Variants in LRP5 observed in about 807,000 individuals in gnomAD.
LRP5 encodes low-density lipoprotein receptor-related protein 5.
A neutral mutation model predicts 154.1 loss-of-function variants in LRP5; 62 were observed. The ratio of observed to expected loss-of-function variants is 0.40; its 90% CI spans 0.33 to 0.50. The LOEUF (loss-of-function observed/expected upper bound fraction) is 0.50, where lower values mean the gene tolerates loss of function less well. Among genes scored for constraint, LRP5 ranks in the 20% least tolerant of loss-of-function variants. The probability of loss-of-function intolerance (pLI) is 0.55; values close to 1 mark genes in which losing one functional copy is unlikely to be tolerated. For synonymous variants in LRP5, 966 were observed against 1,011.5 expected, an observed-to-expected ratio of 0.96 and a Z score of 0.85; for missense variants, 1,915 against 2,336.7, an observed-to-expected ratio of 0.82 and a Z score of 3.72.
At chr11:68,334,169 C>T (rs2098604398) in intron 1 of LRP5, among the ~76,000 whole-genome samples, 1 of 152,130 alleles carries the variant, frequency 6.6e-6, no homozygotes, top group Admixed American at 6.5e-5. Context: ...AGGAGGCGGA[C>T]GTTGCAGTGA....
chr11:68,409,356 A>T (rs1483400794), intron 9 of LRP5, among the ~76,000 whole-genome samples: 1 of 146,228 alleles, frequency 6.8e-6, no homozygotes, highest in Non-Finnish European at 1.5e-5. Context: ...AATGTATGAT[A>T]TATAATATAC....
At chr11:68,387,307 G>A (rs1328215854) in intron 6 of LRP5, among the ~76,000 whole-genome samples, 3 of 152,038 alleles carry the variant, frequency 2.0e-5, no homozygotes, top group Non-Finnish European at 4.4e-5. Context: ...TAGAGATGGG[G>A]TTTCACCGTC....
chr11:68,339,261 C>T (rs1301387234), intron 1 of LRP5, among the ~76,000 whole-genome samples: 3 of 151,888 alleles, frequency 2.0e-5, no homozygotes, highest in African/African-American at 2.4e-5. Context: ...CCGCAACCTC[C>T]ACCTCCCGGG....
chr11:68,359,613 C>T (rs571845771), intron 3 of LRP5, among the ~76,000 whole-genome samples: 10 of 152,130 alleles, frequency 6.6e-5, no homozygotes, highest in Admixed American at 3.9e-4. Context: ...TTTCCAGGGA[C>T]GTTTATCAGT....
At chr11:68,360,710 C>T (rs2098627102) in intron 3 of LRP5, among the ~76,000 whole-genome samples, 3 of 152,178 alleles carry the variant, frequency 2.0e-5, no homozygotes, top group Admixed American at 1.3e-4. Context: ...GAAAAATGGC[C>T]ACATGGGCTG....
Position 68,348,079 on chromosome 11 carries a change from C to A in LRP5, c.324C>A (p.Val108=). The A allele has an allele frequency of 1.2e-6, 2 of 1,614,136 alleles. No individual in the cohort carries two copies. Among genetic ancestry groups the A allele is most frequent in the Non-Finnish European group, 8.5e-7 (1 of 1,180,040 alleles). ...AGAACGTGGTCATCTCCGGCCTGGT[C>A]TCTCCCGACGGCCTCGCCTGCGACT... The part of the protein sequence containing the change: ...AVQNVVISGL[V]SPDGLACDWV... The change falls in exon 2 of 23, where the codon GTC becomes GTA. Residue 108 remains valine (V), a synonymous_variant. Transcript: ENST00000294304.
At chr11:68,364,351 C>CAT (rs200855734) in intron 4 of LRP5, among the ~76,000 whole-genome samples, 43 of 129,610 alleles carry the variant, frequency 3.3e-4, no homozygotes, top group Non-Finnish European at 5.4e-4. Context: ...TTTATATATA[C>CAT]ATATATATGT....
At chr11:68,443,556 TA>T (rs2098679448) in intron 21 of LRP5, among the ~76,000 whole-genome samples, 1 of 32,508 alleles carries the variant, frequency 3.1e-5, no homozygotes, top group African/African-American at 1.5e-4. Context: ...TATATATATA[TA>T]TATATATATA....
chr11:68,379,833 T>A (rs113772848), intron 5 of LRP5, among the ~76,000 whole-genome samples: 1 of 151,032 alleles, frequency 6.6e-6, no homozygotes, highest in Non-Finnish European at 1.5e-5. Flanking sequence ...CTTTCTGATA[T>A]TATAAAAGTC....
At chr11:68,392,744 G>A (rs570363413) in intron 7 of LRP5, among the ~76,000 whole-genome samples, 186 of 152,190 alleles carry the variant, frequency 1.2e-3, no homozygotes, top group Middle Eastern at 0.01. Flanking sequence ...TGTGTGACTG[G>A]AATCCTGCAA....
At chr11:68,401,737 G>A (rs1199602991) in intron 7 of LRP5, among the ~76,000 whole-genome samples, 4 of 152,134 alleles carry the variant, frequency 2.6e-5, no homozygotes, top group Non-Finnish European at 5.9e-5. Flanking sequence ...CACCCAGGCT[G>A]GAGTGCAATG....
chr11:68,340,383 T>A (rs1351420193), intron 1 of LRP5, among the ~76,000 whole-genome samples: 1 of 152,034 alleles, frequency 6.6e-6, no homozygotes, highest in African/African-American at 2.4e-5. Context: ...GGCAACTGAG[T>A]CTGAGTGGAT....
the LRP5 span, among the ~76,000 whole-genome samples, chr11:68,303,164 C>T: frequency 6.6e-6 from 1 of 152,152 alleles, no homozygotes; most frequent in Non-Finnish European, 1.5e-5. Flanking sequence ...CAGGATCTTG[C>T]TCTGTTGCCC....
Position 68,439,761 on chromosome 11 carries a change from G to A in LRP5, c.4349-16G>A, listed in dbSNP as rs758196384. The A allele has an allele frequency of 5.3e-5, 85 of 1,607,372 alleles. No individual in the cohort carries two copies. The highest frequency in any genetic ancestry group is 6.4e-5 in the Non-Finnish European group (75 of 1,177,898). ...GCCTGGAAGCCACCTGACCTCCCCC[G>A]TCCCTTCCCTGCCAGGCATCGCATG... On this transcript the variant is annotated splice_polypyrimidine_tract_variant and intron_variant, in intron 20 of 22. Coordinates refer to ENST00000294304, the MANE Select transcript of LRP5 (RefSeq NM_002335.4).
In LRP5 at chr11:68,416,655, G is replaced by C. The variant is rs2098662721; in HGVS notation, c.3027+128G>C. ...GATGGCTCTGGGTGAATGATGACTT[G>C]GGCTTCGATTATGTAGTCACAGGGT... On this transcript the variant is annotated intron_variant, in intron 13 of 22. Coordinates refer to ENST00000294304, the MANE Select transcript of LRP5 (RefSeq NM_002335.4). 3.5e-6 allele frequency: 3 copies of C among 862,956 alleles called. No homozygotes were observed. The South Asian group carries it at 4.4e-5, about 13-fold the overall frequency. 53.5% of individuals were successfully genotyped at this position (862,956 alleles called of 1,614,324 possible). A position where few individuals can be genotyped will look rare whatever the true frequency, so the allele number is the denominator to read the frequency against.
intron 1 of LRP5, among the ~76,000 whole-genome samples, chr11:68,333,521 C>A (rs901719863): frequency 6.6e-6 from 1 of 152,112 alleles, no homozygotes; most frequent in Non-Finnish European, 1.5e-5. Context: ...CAAGCATTTC[C>A]CCTTGAAGGG....
intron 1 of LRP5, among the ~76,000 whole-genome samples, chr11:68,318,293 G>T (rs1376007022): frequency 6.7e-6 from 1 of 148,988 alleles, no homozygotes; most frequent in African/African-American, 2.5e-5. Context: ...TGATCCTCCC[G>T]CTCGGCTTCC....
intron 20 of LRP5, among the ~76,000 whole-genome samples, chr11:68,439,316 C>T (rs1188685455): frequency 6.6e-6 from 1 of 152,226 alleles, no homozygotes; most frequent in Non-Finnish European, 1.5e-5. Context: ...CTCCCCTGTC[C>T]TGTCCCACTG....
intron 6 of LRP5, among the ~76,000 whole-genome samples, chr11:68,388,491 G>A (rs1242057448): frequency 2.0e-5 from 3 of 152,092 alleles, no homozygotes; most frequent in Non-Finnish European, 4.4e-5. Context: ...GGGGCTGGCC[G>A]GCTGGGTCAG....
Sources: allele counts gnomAD v4.1 joint callset (sites outside exome capture counted in the v4.1 genomes callset), GRCh38; gene constraint gnomAD v4.1.1; transcripts MANE v1.5; gene names NCBI Gene and HGNC (gene_info 2026-07-23, HGNC 2026-07-21).